Variants in CASP9 observed in about 807,000 individuals in gnomAD.
The protein encoded by CASP9 is caspase-9.
A neutral mutation model predicts 43.5 loss-of-function variants in CASP9; 29 were observed. The ratio of observed to expected loss-of-function variants is 0.67; its 90% CI spans 0.50 to 0.91. CASP9 has a LOEUF of 0.91. Among genes scored for constraint, CASP9 ranks in the 40% least tolerant of loss-of-function variants. The pLI, the probability that CASP9 is intolerant of heterozygous loss-of-function variation, is 0.00. For missense variants in CASP9, 575 were observed against 537.4 expected (o/e 1.07, Z -0.69); for synonymous variants, 206 against 211.9 (o/e 0.97, Z 0.24).
intron 2 of CASP9, among the ~76,000 whole-genome samples, chr1:15,516,010 T>C (rs1709932929): frequency 6.6e-6 from 1 of 152,104 alleles, no homozygotes; most frequent in Admixed American, 6.5e-5. Context: ...AAGATCAGCC[T>C]AGGCAACATG....
intron 1 of CASP9, among the ~76,000 whole-genome samples, chr1:15,520,291 G>A (rs1710133053): frequency 2.6e-5 from 4 of 152,146 alleles, no homozygotes; most frequent in Admixed American, 2.6e-4. Context: ...ATTTTTGTGG[G>A]CGAAAGATTA....
At chr1:15,493,123 C>G in intron 8 of CASP9, 88 bp from the exon 9 acceptor site, 4 of 1,578,860 alleles carry the variant, frequency 2.5e-6, no homozygotes, top group Non-Finnish European at 3.4e-6. Context: ...AATGTCCACT[C>G]AACCCGCACC....
At position 15,524,107 on chromosome 1, in the gene CASP9, G is replaced by A. The variant is rs1132310; in HGVS notation, c.94C>T (p.Arg32Cys). 3 of 1,540,166 alleles carry A rather than the reference G, an allele frequency of 1.9e-6. No individual in the cohort carries two copies. Among genetic ancestry groups the A allele is most frequent in the African/African-American group, 2.8e-5 (2 of 72,238 alleles). The part of the protein sequence containing the change: ...VDQLWDALLS[R>C]ELFRPHMIED... ...ATCATATGGGGCCTGAACAGCTCGC[G>A]GCTCAGCAGGGCGTCCCAGAGCTGG... The change falls in exon 1 of 9, where the codon CGC (arginine) becomes TGC (cysteine). Residue 32 changes from arginine to cysteine, a missense_variant. Physicochemically the swap from Arg to Cys is radical, Grantham distance 180. Coordinates refer to ENST00000333868, the MANE Select transcript of CASP9 (RefSeq NM_001229.5).
At chr1:15,500,641 C>T (rs4646077) in intron 6 of CASP9, among the ~76,000 whole-genome samples, 42,101 of 152,008 alleles carry the variant, frequency 0.28, 6,699 homozygotes, top group African/African-American at 0.43. Flanking sequence ...TGTTTTTCTC[C>T]AGATTTTGTG....
At chr1:15,502,353 G>C (rs1709360007) in intron 6 of CASP9, among the ~76,000 whole-genome samples, 1 of 152,170 alleles carries the variant, frequency 6.6e-6, no homozygotes, top group African/African-American at 2.4e-5. Flanking sequence ...AGGCACGGTG[G>C]CTCATGCCTG....
chr1:15,505,200 A>G (rs1244466340), intron 5 of CASP9, among the ~76,000 whole-genome samples: 1 of 152,146 alleles, frequency 6.6e-6, no homozygotes, highest in Non-Finnish European at 1.5e-5. Context: ...TCAGACCTCA[A>G]GGGCATGGAA....
Position 15,491,473 on chromosome 1 carries a change from A to C in CASP9, c.*1470T>G. 1 of 1,002,498 alleles carries C rather than the reference A, an allele frequency of 1.0e-6. No individual in the cohort carries two copies. The highest frequency in any genetic ancestry group is 1.5e-6 in the Non-Finnish European group (1 of 675,322). 62.1% of individuals were successfully genotyped at this position (1,002,498 alleles called of 1,614,324 possible). On this transcript the variant is annotated 3_prime_UTR_variant, in exon 9 of 9. Transcript: ENST00000333868. ...ACATCCAGGGCCCTAAGAACCAGAA[A>C]TAGGTCAGGCGCAATGGCTCAAGCC...
chr1:15,505,933 C>A, intron 5 of CASP9, 57 bp downstream of exon 5: 1 of 1,376,254 alleles, frequency 7.3e-7, no homozygotes, highest in Non-Finnish European at 1.0e-6. Context: ...CCCTGCACAG[C>A]CTCTTGGCAC....
upstream of CASP9, chr1:15,524,592 C>CTGACCTCACGTCAA: frequency 3.0e-6 from 3 of 993,090 alleles, no homozygotes; most frequent in South Asian, 2.8e-5. Flanking sequence ...CCTCACGTCA[C>CTGACCTCACGTCAA]CGCCCCGCCC....
intron 6 of CASP9, among the ~76,000 whole-genome samples, chr1:15,497,483 A>T (rs1352046021): frequency 6.6e-6 from 1 of 151,766 alleles, no homozygotes. Context: ...TCTCTACTAA[A>T]AATATAAAAA....
chr1:15,496,971 C>T (rs185086056), intron 6 of CASP9, among the ~76,000 whole-genome samples: 10 of 152,062 alleles, frequency 6.6e-5, no homozygotes, highest in Admixed American at 6.6e-5. Context: ...GCAGTGATCG[C>T]GCCACTGCAC....
chr1:15,517,997 GA>G, intron 2 of CASP9, 112 bp downstream of exon 2: 1 of 1,297,268 alleles, frequency 7.7e-7, no homozygotes, highest in Non-Finnish European at 1.1e-6. Context: ...TGAACATTCA[GA>G]AAGACAATGC....
At position 15,507,888 on chromosome 1, in the gene CASP9, C is replaced by T. The variant is rs1570850824; in HGVS notation, c.438G>A (p.Arg146=). 6.2e-7 allele frequency: 1 copy of T among 1,614,144 alleles called. No homozygotes were observed. The highest frequency in any genetic ancestry group is 8.5e-7 in the Non-Finnish European group (1 of 1,180,014). ...GGAGACTCACCAAATCTGCATTTCC[C>T]CTCAAACTCTCAAGAGCACCTGAAG... ...FGDVGALESL[R]GNADLAYILS... is the part of the protein sequence containing the mutation. Residue 146 remains arginine, a synonymous_variant, in exon 3 of 9, where the codon AGG becomes AGA. Transcript: ENST00000333868.
At chr1:15,519,087 A>G (rs1162807265) in intron 1 of CASP9, among the ~76,000 whole-genome samples, 2 of 151,690 alleles carry the variant, frequency 1.3e-5, no homozygotes, top group Non-Finnish European at 2.9e-5. Flanking sequence ...CATGTTGCCC[A>G]GGCTGGTCTT....
intron 3 of CASP9, 183 bp from the exon 4 acceptor site, chr1:15,507,258 C>T (rs1044904289): frequency 9.8e-6 from 6 of 614,320 alleles, no homozygotes; most frequent in African/African-American, 1.9e-5. Context: ...GTGACCCCCC[C>T]ATCTTGGTAT....
At chr1:15,523,061 T>C (rs1022194236) in intron 1 of CASP9, among the ~76,000 whole-genome samples, 23 of 152,224 alleles carry the variant, frequency 1.5e-4, no homozygotes, top group Non-Finnish European at 2.6e-4. Flanking sequence ...GTAGGAAATA[T>C]CTCCTGCATC....
At chr1:15,514,635 T>C (rs1486760416) in intron 2 of CASP9, among the ~76,000 whole-genome samples, 3 of 152,200 alleles carry the variant, frequency 2.0e-5, no homozygotes. Flanking sequence ...GGGCTTGCCA[T>C]GTCTACCACG....
At chr1:15,499,397 G>A (rs1457142180) in intron 6 of CASP9, among the ~76,000 whole-genome samples, 2 of 152,160 alleles carry the variant, frequency 1.3e-5, no homozygotes, top group South Asian at 4.1e-4. Flanking sequence ...CTCTCCTTGT[G>A]TTCCCTCTCT....
Position 15,524,060 on chromosome 1 carries a change from G to GGGGCGGA in CASP9, c.132+8_132+9insTCCGCCC, listed in dbSNP as rs1366715834. ...CGTGCAGCGCGGGGACAGGGGGCCG[G>GGGGCGGA]GGGCGCACCTGGATGTCCTCGATCA... On this transcript the variant is annotated intron_variant, in intron 1 of 8. Transcript: ENST00000333868. The GGGGCGGA allele has an allele frequency of 1.5e-5, 23 of 1,494,300 alleles. No homozygotes were observed. The highest frequency in any genetic ancestry group is 2.0e-5 in the Non-Finnish European group (22 of 1,124,210). The allele number at this position is 1,494,300 out of a possible 1,614,324, so 92.6% of individuals were successfully genotyped here.
Sources: gnomAD v4.1 joint callset for allele counts (sites outside exome capture counted in the v4.1 genomes callset) on GRCh38, gnomAD v4.1.1 for gene constraint, MANE v1.5 for transcripts, NCBI Gene and HGNC (gene_info 2026-07-23, HGNC 2026-07-21) for gene names.